ZNF98: variants seen among roughly 807,000 people sequenced by gnomAD.
The protein encoded by ZNF98 is zinc finger protein 739.
A neutral mutation model predicts 12.8 loss-of-function variants in ZNF98; 8 were observed. The observed-to-expected ratio is 0.63, with a 90% CI of 0.37 to 1.13. The LOEUF is 1.13. ZNF98 is among the 50% of genes most tolerant of loss of function. The pLI, the probability that ZNF98 is intolerant of heterozygous loss-of-function variation, is 0.01. For synonymous variants in ZNF98, 112 were observed against 223.5 expected (o/e 0.50, Z 4.45); for missense variants, 379 against 666.1 (o/e 0.57, Z 4.74).
intron 1 of ZNF98, among the ~76,000 whole-genome samples, chr19:22,411,477 T>C (rs1027947173): frequency 2.6e-5 from 4 of 152,226 alleles, no homozygotes; most frequent in African/African-American, 9.6e-5. Flanking sequence ...TGTCCAACTT[T>C]CATGTGCTCT....
chr19:22,422,109 G>T (rs1186804046), intron 1 of ZNF98, 86 bp downstream of exon 1: 9 of 1,530,936 alleles, frequency 5.9e-6, no homozygotes, highest in Non-Finnish European at 7.2e-6. Flanking sequence ...TGACAGCGGG[G>T]AGGCCTGAGT....
intron 1 of ZNF98, among the ~76,000 whole-genome samples, chr19:22,414,628 A>G (rs1191339284): frequency 1.3e-5 from 2 of 152,200 alleles, no homozygotes; most frequent in African/African-American, 4.8e-5. Flanking sequence ...AACAAGAGGA[A>G]TCTGGAAAGA....
Position 22,398,236 on chromosome 19 carries a change from C to A in ZNF98, c.253+4553G>T, listed in dbSNP as rs186431340. ...TTATGAGATATACAAAGCAGTTATA[C>A]TCTTAGAAACAGAAAACAGAATGGC... On this transcript the variant is annotated intron_variant, in intron 3 of 3. Transcript: ENST00000357774. Among the ~76,000 whole-genome samples the A allele has an allele frequency of 9.8e-5, 15 of 152,310 alleles. No individual in the cohort carries two copies. The East Asian group carries it at 2.9e-3, about 29-fold the overall frequency.
chr19:22,407,533 G>A (rs1969534491), intron 1 of ZNF98, among the ~76,000 whole-genome samples: 1 of 150,930 alleles, frequency 6.6e-6, no homozygotes, highest in African/African-American at 2.4e-5. Context: ...CCAACATGGT[G>A]AAACACTATC....
At chr19:22,395,687 C>T (rs1340287271) in intron 3 of ZNF98, among the ~76,000 whole-genome samples, 1 of 151,910 alleles carries the variant, frequency 6.6e-6, no homozygotes, top group Admixed American at 6.6e-5. Flanking sequence ...AGGATACACA[C>T]ACAGATATTT....
chr19:22,409,472 G>C (rs1271930263), intron 1 of ZNF98, among the ~76,000 whole-genome samples: 1 of 152,022 alleles, frequency 6.6e-6, no homozygotes, highest in Non-Finnish European at 1.5e-5. Context: ...ATTCTACACA[G>C]AAAAAGAAAC....
intron 3 of ZNF98, among the ~76,000 whole-genome samples, chr19:22,399,748 C>A (rs1969436363): frequency 6.6e-6 from 1 of 152,256 alleles, no homozygotes; most frequent in Non-Finnish European, 1.5e-5. Flanking sequence ...AGAGTGACAT[C>A]ACTAAGATGG....
intron 3 of ZNF98, among the ~76,000 whole-genome samples, chr19:22,398,697 G>A (rs1599384816): frequency 6.7e-6 from 1 of 150,050 alleles, no homozygotes; most frequent in Non-Finnish European, 1.5e-5. Context: ...TAAATTTTAG[G>A]TTATATGTTT....
intron 3 of ZNF98, among the ~76,000 whole-genome samples, chr19:22,398,946 A>G (rs1284377773): frequency 6.6e-6 from 1 of 152,210 alleles, no homozygotes; most frequent in African/African-American, 2.4e-5. Flanking sequence ...GGTCATATTT[A>G]TAGATAAAAA....
chr19:22,407,761 C>T (rs1969537860), intron 1 of ZNF98, among the ~76,000 whole-genome samples: 1 of 151,286 alleles, frequency 6.6e-6, no homozygotes, highest in Admixed American at 6.6e-5. Context: ...CAAACCAAAT[C>T]CAGCAGCACA....
chr19:22,417,183 C>T (rs1249835005), intron 1 of ZNF98, among the ~76,000 whole-genome samples: 1 of 128,178 alleles, frequency 7.8e-6, no homozygotes, highest in Non-Finnish European at 1.5e-5. Context: ...GAGCCAAGAT[C>T]GCGCCATCGC....
chr19:22,404,143 C>G (rs1188199443), intron 1 of ZNF98, among the ~76,000 whole-genome samples: 1 of 152,192 alleles, frequency 6.6e-6, no homozygotes, highest in Non-Finnish European at 1.5e-5. Context: ...TGGCATGAAC[C>G]CCAGAGGCGG....
chr19:22,409,913 CAA>C (rs71180546), intron 1 of ZNF98, among the ~76,000 whole-genome samples: 3,524 of 89,264 alleles, frequency 0.039, 40 homozygotes, highest in African/African-American at 0.15. Flanking sequence ...CTCTATCTCA[CAA>C]AAAAAAAAAA....
chr19:22,405,439 G>A (rs550846531), intron 1 of ZNF98, among the ~76,000 whole-genome samples: 3 of 152,140 alleles, frequency 2.0e-5, no homozygotes, highest in East Asian at 1.9e-4. Flanking sequence ...CATGACCCAC[G>A]GAGAGGAAGA....
At chr19:22,407,674 T>TGCACTGGACAACAAGTGCGAA in intron 1 of ZNF98, among the ~76,000 whole-genome samples, 8 of 151,626 alleles carry the variant, frequency 5.3e-5, no homozygotes, top group African/African-American at 1.9e-4. Flanking sequence ...ATAATGCCAC[T>TGCACTGGACAACAAGTGCGAA]ATACTCCAAC....
rs1440033090 is a variant in ZNF98 at position 22,391,322 on chromosome 19, T to G, written c.*194A>C. On this transcript the variant is annotated 3_prime_UTR_variant, in exon 4 of 4. Coordinates refer to ENST00000357774, the MANE Select transcript of ZNF98 (RefSeq NM_001098626.2). ...TGAATAAGATGTGTGCAGATATTAA[T>G]CACTTTTTTACTTTCTTTATATTTG... 1.7e-6 allele frequency: 2 copies of G among 1,176,082 alleles called. No individual in the cohort carries two copies. The highest frequency in any genetic ancestry group is 3.1e-5 in the African/African-American group (2 of 64,264). The allele number at this position is 1,176,082 out of a possible 1,614,324, so 72.9% of individuals were successfully genotyped here.
At position 22,392,726 on chromosome 19, in the gene ZNF98, T is replaced by C. The variant is rs1023030866; in HGVS notation, c.509A>G (p.Asn170Ser). 6.2e-7 allele frequency: 1 copy of C among 1,605,488 alleles called. No homozygotes were observed. The highest frequency in any genetic ancestry group is 1.7e-5 in the Admixed American group (1 of 57,862). ...VKVFHKFSNS[N>S]RHKIGHTGKK... ...TCCAGTATGTCCTATCTTATGTCTG[T>C]TTGAATTTGAAAATTTATGAAAGAC... is the stretch of plus-strand genomic sequence containing the variant. Residue 170 changes from asparagine to serine, a missense_variant, in exon 4 of 4, where the codon AAC becomes AGC. This residue lies in a region of ZNF98 where 223 missense variants were observed against 261.6 expected (regional missense o/e 0.85). Coordinates refer to ENST00000357774, the MANE Select transcript of ZNF98 (RefSeq NM_001098626.2).
intron 3 of ZNF98, among the ~76,000 whole-genome samples, chr19:22,393,673 C>G (rs550631546): frequency 6.6e-6 from 1 of 152,040 alleles, no homozygotes; most frequent in Non-Finnish European, 1.5e-5. Flanking sequence ...ACACCTTATA[C>G]AAAAATTAAT....
chr19:22,403,011 A>C (rs1969476489), intron 2 of ZNF98, 127 bp from the exon 3 acceptor site: 1 of 709,530 alleles, frequency 1.4e-6, no homozygotes, highest in Admixed American at 3.9e-5. Context: ...TACACAACAA[A>C]AAATTTTAAA....
Sources: gnomAD v4.1 joint callset for allele counts (sites outside exome capture counted in the v4.1 genomes callset) on GRCh38, gnomAD v4.1.1 for gene constraint, gnomAD v4.1.1 regional missense constraint, MANE v1.5 for transcripts, NCBI Gene and HGNC (gene_info 2026-07-23, HGNC 2026-07-21) for gene names.